ZC3H12B: variants seen among roughly 807,000 people sequenced by gnomAD.
The protein encoded by ZC3H12B is probable ribonuclease ZC3H12B.
In ZC3H12B, 7 loss-of-function variants were observed where a neutral mutation model predicts 43.9. The observed-to-expected ratio is 0.16, with a 90% CI of 0.09 to 0.30. The LOEUF (loss-of-function observed/expected upper bound fraction) is 0.30, where lower values mean the gene tolerates loss of function less well. Ranked by LOEUF, ZC3H12B falls within the 10% of genes least tolerant of loss-of-function variation. ZC3H12B has a pLI of 1.00. For missense variants in ZC3H12B, 475 were observed against 670.2 expected, an observed-to-expected ratio of 0.71 and a Z score of 3.22; for synonymous variants, 222 against 241.7, an observed-to-expected ratio of 0.92 and a Z score of 0.76.
chrX:65,228,619 G>T, the ZC3H12B span, among the ~76,000 whole-genome samples: 1 of 111,715 alleles, frequency 9.0e-6, no homozygotes, highest in East Asian at 2.8e-4. Flanking sequence ...TGACATGATT[G>T]TATATCTAGA....
At chrX:65,374,903 A>G (rs1456493232) in intron 2 of ZC3H12B, among the ~76,000 whole-genome samples, 4 of 111,231 alleles carry the variant, frequency 3.6e-5, no homozygotes, top group Non-Finnish European at 7.5e-5. Flanking sequence ...CATGAGGGTA[A>G]CTGCCCCCCA....
the ZC3H12B span, among the ~76,000 whole-genome samples, chrX:65,281,435 G>T: frequency 9.0e-6 from 1 of 110,505 alleles, no homozygotes; most frequent in Admixed American, 9.7e-5. Flanking sequence ...AAGCCAGGCT[G>T]GATTGGTTTT....
the ZC3H12B span, among the ~76,000 whole-genome samples, chrX:65,212,640 GATT>G: frequency 5.1e-5 from 4 of 78,130 alleles, no homozygotes; most frequent in Middle Eastern, 6.8e-3. Context: ...AAATATATAT[GATT>G]ATATATCATA....
At chrX:65,503,358 C>G in exon 5 of ZC3H12B, 1 of 488,696 alleles carries the variant, frequency 2.0e-6, no homozygotes, top group Non-Finnish European at 3.2e-6. Context: ...CTGTGAGGTA[C>G]GTCTTACTAA....
chrX:65,139,013 A>G, the ZC3H12B span, among the ~76,000 whole-genome samples: 1 of 112,207 alleles, frequency 8.9e-6, no homozygotes, highest in Admixed American at 9.4e-5. Context: ...TCTATGGTTT[A>G]CAAATGTTTT....
At chrX:65,481,922 G>A (rs972484383) in intron 3 of ZC3H12B, among the ~76,000 whole-genome samples, 1 of 111,344 alleles carries the variant, frequency 9.0e-6, no homozygotes, top group Non-Finnish European at 1.9e-5. Flanking sequence ...ATTTCATCTG[G>A]GAGATTTTTG....
At chrX:65,350,764 G>T in the ZC3H12B span, among the ~76,000 whole-genome samples, 10 of 111,704 alleles carry the variant, frequency 9.0e-5, no homozygotes, top group East Asian at 2.8e-3. Flanking sequence ...ACTTACAAGG[G>T]ATGTGAAGGA....
intron 2 of ZC3H12B, among the ~76,000 whole-genome samples, chrX:65,388,811 TG>T (rs1358070814): frequency 8.9e-6 from 1 of 111,868 alleles, no homozygotes; most frequent in Non-Finnish European, 1.9e-5. Flanking sequence ...GACATACAGA[TG>T]GGGTTTTGGT....
At chrX:65,211,713 A>G in the ZC3H12B span, among the ~76,000 whole-genome samples, 1 of 88,304 alleles carries the variant, frequency 1.1e-5, no homozygotes, top group East Asian at 3.4e-4. Flanking sequence ...TATAATATAT[A>G]TTATATATTT....
At chrX:65,121,038 A>T in the ZC3H12B span, among the ~76,000 whole-genome samples, 5 of 111,164 alleles carry the variant, frequency 4.5e-5, no homozygotes, top group African/African-American at 9.8e-5. Context: ...GATGTACTGC[A>T]GGATTCTTTT....
chrX:65,103,860 T>C, the ZC3H12B span, among the ~76,000 whole-genome samples: 1 of 111,709 alleles, frequency 9.0e-6, no homozygotes, highest in Non-Finnish European at 1.9e-5. Context: ...TATTTGTAGA[T>C]TCAATACTAT....
chrX:65,236,815 A>T, the ZC3H12B span, among the ~76,000 whole-genome samples: 1 of 111,934 alleles, frequency 8.9e-6, no homozygotes, highest in Non-Finnish European at 1.9e-5. Flanking sequence ...TTGTCTTCCC[A>T]TTGCTCATTT....
At chrX:65,149,002 G>A in the ZC3H12B span, among the ~76,000 whole-genome samples, 5 of 110,846 alleles carry the variant, frequency 4.5e-5, no homozygotes, top group African/African-American at 1.6e-4. Context: ...AGTGTTAACT[G>A]GTTAATAGAA....
chrX:65,336,232 G>T, the ZC3H12B span, among the ~76,000 whole-genome samples: 1 of 112,740 alleles, frequency 8.9e-6, no homozygotes, highest in African/African-American at 3.2e-5. Flanking sequence ...AAACAAAGAA[G>T]CTGGAAACCT....
At chrX:65,162,131 G>C in the ZC3H12B span, among the ~76,000 whole-genome samples, 3 of 111,761 alleles carry the variant, frequency 2.7e-5, no homozygotes, top group African/African-American at 9.8e-5. Context: ...TCTGCCACGA[G>C]ATCAGCTGTT....
intron 2 of ZC3H12B, among the ~76,000 whole-genome samples, chrX:65,381,889 C>T (rs1403110861): frequency 3.6e-5 from 4 of 111,611 alleles, no homozygotes; most frequent in South Asian, 7.6e-4. Context: ...ATACACTCTC[C>T]CAAGACTAAA....
the ZC3H12B span, among the ~76,000 whole-genome samples, chrX:65,165,003 TAAAAG>T: frequency 3.6e-5 from 4 of 111,840 alleles, no homozygotes; most frequent in Admixed American, 3.8e-4. Context: ...TGAGAAAACT[TAAAAG>T]AAAAACTTAG....
the ZC3H12B span, among the ~76,000 whole-genome samples, chrX:65,266,824 A>G: frequency 2.7e-5 from 3 of 111,129 alleles, no homozygotes; most frequent in Non-Finnish European, 3.8e-5. Context: ...AGGTGGCTTC[A>G]TGGGCAGCTT....
chrX:65,459,556 T>C (rs1329214897), intron 3 of ZC3H12B, among the ~76,000 whole-genome samples: 4 of 111,508 alleles, frequency 3.6e-5, no homozygotes, highest in Non-Finnish European at 3.8e-5. Flanking sequence ...GTTCAACATA[T>C]GCAAATCAAT....
Sources: allele counts gnomAD v4.1 joint callset (sites outside exome capture counted in the v4.1 genomes callset), GRCh38; gene constraint gnomAD v4.1.1; transcripts MANE v1.5; gene names NCBI Gene and HGNC (gene_info 2026-07-23, HGNC 2026-07-21).